Variants in SKOR1 observed in about 807,000 individuals in gnomAD.
SKOR1 encodes SKI family transcriptional corepressor 1, also known as LBX1 corepressor 1.
Under a neutral mutation model 72.4 loss-of-function variants are expected in SKOR1, and 38 were observed. The ratio of observed to expected loss-of-function variants is 0.52; its 90% CI spans 0.40 to 0.69. The LOEUF is 0.69. Ranked by LOEUF, SKOR1 falls within the 30% of genes least tolerant of loss-of-function variation. SKOR1 has a pLI of 0.00. For missense variants in SKOR1, 1,320 were observed against 1,343.2 expected, an observed-to-expected ratio of 0.98 and a Z score of 0.27; for synonymous variants, 642 against 599.4, an observed-to-expected ratio of 1.07 and a Z score of -1.04.
chr15:67,830,246 C>T lies in SKOR1; in HGVS notation c.2463C>T (p.Ser821=). 1 of 1,614,194 alleles carries T rather than the reference C, an allele frequency of 6.2e-7. No individual in the cohort carries two copies. The highest frequency in any genetic ancestry group is 8.5e-7 in the Non-Finnish European group (1 of 1,180,016). The change falls in exon 4 of 9, where the codon TCC becomes TCT. Residue 821 remains serine (S), a synonymous_variant. Transcript: ENST00000380035. ...SPADDLETRK[S]YPDQRSISQP... is the part of the protein sequence containing the mutation. ...CCGATGATTTGGAAACGAGGAAATC[C>T]TATCCAGACCAAAGGAGTATCTCCC... is the stretch of plus-strand genomic sequence containing the variant.
At chr15:67,829,147 C>T (rs768687800) in intron 2 of SKOR1, 32 bp from the exon 3 acceptor site, 3 of 1,514,074 alleles carry the variant, frequency 2.0e-6, no homozygotes, top group African/African-American at 2.8e-5. Context: ...AGGGCGCCAC[C>T]CTAATCGCCT....
At chr15:67,830,613 G>A (rs1030612887) in intron 4 of SKOR1, among the ~76,000 whole-genome samples, 1 of 152,140 alleles carries the variant, frequency 6.6e-6, no homozygotes, top group Admixed American at 6.5e-5. Flanking sequence ...CATCTTCCCT[G>A]GGCCGTCTCC....
chr15:67,830,900 A>AT lies in SKOR1; in HGVS notation c.2587+14dup, dbSNP rs2091003838. On this transcript the variant is annotated intron_variant, in intron 5 of 8. Coordinates refer to ENST00000380035, the MANE Select transcript of SKOR1 (RefSeq NM_001365915.1). Reference sequence around the variant, plus strand: ...AGAACCTGGCCAGAGGTGAGGATAAATTTGTGAAAAAGGTGTACGCTGTGC... The same window carrying AT: ...AGAACCTGGCCAGAGGTGAGGATAAATTTTGTGAAAAAGGTGTACGCTGTGC... The AT allele has an allele frequency of 1.9e-6, 3 of 1,613,866 alleles. No homozygotes were observed. Among genetic ancestry groups the AT allele is most frequent in the South Asian group, 1.1e-5 (1 of 91,084 alleles).
chr15:67,834,070 C>T lies in SKOR1; in HGVS notation c.*234C>T, dbSNP rs2091029536. 3 of 578,580 alleles carry T rather than the reference C, an allele frequency of 5.2e-6. No homozygotes were observed. The highest frequency in any genetic ancestry group is 1.9e-5 in the South Asian group (1 of 51,954). 35.8% of individuals were successfully genotyped at this position (578,580 alleles called of 1,614,324 possible). ...GTAAATACCGCCTCGCGCCTCAAAT[C>T]CCCCTACCCCGTGTGAACTCTAGGG... On this transcript the variant is annotated 3_prime_UTR_variant, in exon 9 of 9. Transcript: ENST00000380035. The surrounding 1 kb of genome is among the most constrained non-coding windows in gnomAD (Gnocchi z 5.8).
Position 67,826,494 on chromosome 15 carries a change from C to T in SKOR1, c.666C>T (p.Phe222=), listed in dbSNP as rs1273071923. The change falls in exon 2 of 9, where the codon TTC becomes TTT. Residue 222 remains phenylalanine (F), a synonymous_variant. Coordinates refer to ENST00000380035, the MANE Select transcript of SKOR1 (RefSeq NM_001365915.1). ...GCATGTACTTCTCGCCCAACAAGTTCATCTTCCACTCGCACCGAACACCCG... is the reference window on the plus strand; with the variant it reads ...GCATGTACTTCTCGCCCAACAAGTTTATCTTCCACTCGCACCGAACACCCG... ...YCSMYFSPNK[F]IFHSHRTPDA... 1 of 1,614,026 alleles carries T rather than the reference C, an allele frequency of 6.2e-7. No homozygotes were observed. The highest frequency in any genetic ancestry group is 8.5e-7 in the Non-Finnish European group (1 of 1,179,896).
intron 5 of SKOR1, among the ~76,000 whole-genome samples, chr15:67,831,903 C>CCGGGGGGGGGGGGGGGGG (rs1476265010): frequency 3.5e-4 from 10 of 28,746 alleles, no homozygotes; most frequent in African/African-American, 2.2e-3. Flanking sequence ...GGCGGCGGTG[C>CCGGGGGGGGGGGGGGGGG]GGGGGGGGGA....
In SKOR1 at chr15:67,827,594, G is replaced by GCTC. The variant is rs1205297433; in HGVS notation, c.1769_1771dup (p.Ser590dup). 1 of 1,526,926 alleles carries GCTC rather than the reference G, an allele frequency of 6.5e-7. No individual in the cohort carries two copies. The highest frequency in any genetic ancestry group is 2.5e-5 in the East Asian group (1 of 40,164). 94.6% of individuals were successfully genotyped at this position (1,526,926 alleles called of 1,614,324 possible). On this transcript the variant is annotated inframe_insertion, in exon 2 of 9. Transcript: ENST00000380035. ...CCGCCCCCGCCGCCCGCACGCAAAG[G>GCTC]CTCCTACGTGTCGGCCTTCCGGCCG...
Position 67,827,684 on chromosome 15 carries a change from G to T in SKOR1, c.1856G>T (p.Gly619Val), listed in dbSNP as rs1227394622. 1.3e-6 allele frequency: 2 copies of T among 1,535,402 alleles called. No homozygotes were observed. Among genetic ancestry groups the T allele is most frequent in the Admixed American group, 2.0e-5 (1 of 50,214 alleles). Residue 619 changes from glycine to valine, a missense_variant, in exon 2 of 9, where the codon GGG (glycine) becomes GTG (valine). Transcript: ENST00000380035. ...AGCGCCCGGGAGGCGTACGGCGCGG[G>T]GCCTGCTCGGGGGCCGGGACCCGGC... Reference protein sequence around the residue: ...YGSAREAYGAGPARGPGPGAG... With the variant: ...YGSAREAYGAVPARGPGPGAG...
chr15:67,826,749 C>G lies in SKOR1; in HGVS notation c.921C>G (p.Gly307=), dbSNP rs772414343. The change falls in exon 2 of 9, where the codon GGC becomes GGG. Residue 307 remains glycine (G), a synonymous_variant. Coordinates refer to ENST00000380035, the MANE Select transcript of SKOR1 (RefSeq NM_001365915.1). ...QGKGGAGGGG[G]GGPGCGAEMA... is the part of the protein sequence containing the mutation. ...AGGGTGGTGCTGGCGGCGGTGGCGGCGGTGGCCCAGGGTGCGGTGCAGAGA... is the reference window on the plus strand; with the variant it reads ...AGGGTGGTGCTGGCGGCGGTGGCGGGGGTGGCCCAGGGTGCGGTGCAGAGA... 1.8e-4 allele frequency: 269 copies of G among 1,536,470 alleles called. No individual in the cohort carries two copies. Among genetic ancestry groups the G allele is most frequent in the Non-Finnish European group, 2.2e-4 (252 of 1,145,912 alleles).
rs368206008 is a variant in SKOR1, at chr15:67,825,565, C to T, written c.-38C>T. 3 of 726,132 alleles carry T rather than the reference C, an allele frequency of 4.1e-6. No individual in the cohort carries two copies. Among genetic ancestry groups the T allele is most frequent in the Non-Finnish European group, 7.7e-6 (3 of 390,098 alleles). The allele number at this position is 726,132 out of a possible 1,614,324, so 45.0% of individuals were successfully genotyped here. ...CACCGGCTGCGAGGGTTGCCGAAGG[C>T]GCACGGATCTGGGCGCTGAAAAAGC... On this transcript the variant is annotated 5_prime_UTR_variant, in exon 1 of 9. Transcript: ENST00000380035. The surrounding 1 kb of genome is among the most constrained non-coding windows in gnomAD (Gnocchi z 5.6).
intron 3 of SKOR1, among the ~76,000 whole-genome samples, chr15:67,829,557 T>G (rs2141368135): frequency 6.6e-6 from 1 of 152,246 alleles, no homozygotes; most frequent in Non-Finnish European, 1.5e-5. Flanking sequence ...GACACGGCCT[T>G]CAAATCCTCT....
intron 3 of SKOR1, among the ~76,000 whole-genome samples, chr15:67,829,568 C>A (rs1241184453): frequency 6.6e-6 from 1 of 152,256 alleles, no homozygotes; most frequent in Non-Finnish European, 1.5e-5. Flanking sequence ...CAAATCCTCT[C>A]ATTTATTCAG....
intron 2 of SKOR1, 21 bp from the exon 3 acceptor site, chr15:67,829,158 G>A: frequency 6.5e-7 from 1 of 1,527,486 alleles, no homozygotes; most frequent in Non-Finnish European, 8.8e-7. Flanking sequence ...CTAATCGCCT[G>A]TCATTTCTCG....
At chr15:67,829,130 C>A in intron 2 of SKOR1, 49 bp from the exon 3 acceptor site, 1 of 1,473,562 alleles carries the variant, frequency 6.8e-7, no homozygotes, top group Non-Finnish European at 9.0e-7. Context: ...CGTCTTTGGG[C>A]CGCCGCAGGG....
Position 67,827,947 on chromosome 15 carries a change from G to C in SKOR1, c.2119G>C (p.Gly707Arg). The C allele has an allele frequency of 6.4e-7, 1 of 1,570,484 alleles. No individual in the cohort carries two copies. Among genetic ancestry groups the C allele is most frequent in the Non-Finnish European group, 8.6e-7 (1 of 1,159,884 alleles). ...TTCCGCCACCTCCTCTGGCGCGGAC[G>C]GTCCCGCAAACTCTCCCGACGGCGG... ...PPSATSSGADGPANSPDGGSP... is the reference protein window; with the variant it reads ...PPSATSSGADRPANSPDGGSP... The change falls in exon 2 of 9, where the codon GGT becomes CGT. Residue 707 changes from glycine to arginine, a missense_variant. By Grantham distance (125) the Gly-to-Arg change is moderately radical. Around this residue, in one of 3 missense-constraint regions of SKOR1, gnomAD observed 1,099 missense variants for 1,025.5 expected, o/e 1.07. Coordinates refer to ENST00000380035, the MANE Select transcript of SKOR1 (RefSeq NM_001365915.1).
In SKOR1 at chr15:67,829,191, G is replaced by T; in HGVS notation, c.2329G>T (p.Glu777Ter). The change falls in exon 3 of 9, where the codon GAG becomes TAG. Residue 777 changes from glutamate (E) to a stop codon, truncating the protein, a stop_gained. Transcript: ENST00000380035. LOFTEE classifies it high-confidence loss of function. ...GPAPAKVFAPERDEHVKSAAV... is the reference protein window; with the variant it reads ...GPAPAKVFAP ...TCGGCCGTCGCAGGTGTTCGCGCCC[G>T]AGAGGGATGAGCACGTGAAGAGCGC... 1 of 1,566,892 alleles carries T rather than the reference G, an allele frequency of 6.4e-7. No individual in the cohort carries two copies. The highest frequency in any genetic ancestry group is 8.6e-7 in the Non-Finnish European group (1 of 1,163,122).
rs2090979417 is a variant in SKOR1 at position 67,828,062 on chromosome 15, C to G, written c.2234C>G (p.Pro745Arg). ...GCAGCCGAAGACTTGGTGCGGAGAC[C>G]TGAGAGGAGCCCGCCAAGCGGCGGC... ...DLAAEDLVRR[P>R]ERSPPSGGGG... Residue 745 changes from proline (P) to arginine (R), a missense_variant, in exon 2 of 9, where the codon CCT (proline) becomes CGT (arginine). Transcript: ENST00000380035. 14 of 1,532,372 alleles carry G rather than the reference C, an allele frequency of 9.1e-6. No homozygotes were observed. Among genetic ancestry groups the G allele is most frequent in the South Asian group, 1.2e-5 (1 of 82,930 alleles). 94.9% of individuals were successfully genotyped at this position (1,532,372 alleles called of 1,614,324 possible). A position where few individuals can be genotyped will look rare whatever the true frequency, so the allele number is the denominator to read the frequency against.
Position 67,825,538 on chromosome 15 carries a change from A to G in SKOR1, c.-65A>G, listed in dbSNP as rs1482809448. 9.9e-6 allele frequency: 6 copies of G among 606,310 alleles called. No individual in the cohort carries two copies. Among genetic ancestry groups the G allele is most frequent in the Non-Finnish European group, 1.9e-5 (6 of 313,314 alleles). 37.6% of individuals were successfully genotyped at this position (606,310 alleles called of 1,614,324 possible). A position where few individuals can be genotyped will look rare whatever the true frequency, so the allele number is the denominator to read the frequency against. On this transcript the variant is annotated 5_prime_UTR_variant, in exon 1 of 9. Transcript: ENST00000380035. The surrounding 1 kb of genome is among the most constrained non-coding windows in gnomAD (Gnocchi z 5.6). ...TCCGGGCTTCAGGACCCGGGCCGGC[A>G]GCACCGGCTGCGAGGGTTGCCGAAG...
chr15:67,826,400 C>T lies in SKOR1; in HGVS notation c.572C>T (p.Ser191Leu), dbSNP rs1597015547. Residue 191 changes from serine (S) to leucine (L), a missense_variant, in exon 2 of 9, where the codon TCG becomes TTG. Transcript: ENST00000380035. Reference protein sequence around the residue: ...FDVVHECAWGSRGSFIPARYN... With the variant: ...FDVVHECAWGLRGSFIPARYN... ...GTGGTGCACGAGTGCGCGTGGGGCT[C>T]GCGTGGTAGCTTCATCCCTGCGCGT... 6.2e-7 allele frequency: 1 copy of T among 1,613,938 alleles called. No homozygotes were observed.
Sources: gnomAD v4.1 joint callset for allele counts (sites outside exome capture counted in the v4.1 genomes callset) on GRCh38, gnomAD v4.1.1 for gene constraint, gnomAD v4.1.1 regional missense constraint, Gnocchi (gnomAD v3.1) non-coding constraint, MANE v1.5 for transcripts, NCBI Gene and HGNC (gene_info 2026-07-23, HGNC 2026-07-21) for gene names.